The following NDUFA12 variants were observed in gnomAD, a reference collection of about 807,000 sequenced individuals.
NDUFA12 encodes the protein NADH:ubiquinone oxidoreductase subunit A12.
NDUFA12 carries 17 observed loss-of-function variants against 20.3 expected under a neutral mutation model. The ratio of observed to expected loss-of-function variants is 0.84; its 90% CI spans 0.57 to 1.26. NDUFA12 has a LOEUF of 1.26. Ranked by LOEUF, NDUFA12 falls within the 50% of genes most tolerant of loss-of-function variation. The probability of loss-of-function intolerance (pLI) is 0.00; values close to 1 mark genes in which losing one functional copy is unlikely to be tolerated. For synonymous variants in NDUFA12, 72 were observed against 63.6 expected, an observed-to-expected ratio of 1.13 and a Z score of -0.63; for missense variants, 191 against 183.7, an observed-to-expected ratio of 1.04 and a Z score of -0.23.
chr12:94,988,661 G>GA (rs1248782320), intron 3 of NDUFA12, among the ~76,000 whole-genome samples: 1 of 152,106 alleles, frequency 6.6e-6, no homozygotes, highest in African/African-American at 2.4e-5. Flanking sequence ...AGAGCTGGCC[G>GA]AAAGACACAT....
At chr12:94,972,534 G>A in intron 3 of NDUFA12, 1 of 436,714 alleles carries the variant, frequency 2.3e-6, no homozygotes, top group Non-Finnish European at 4.6e-6. Flanking sequence ...GCATGTGAGT[G>A]TAAACACTAG....
At position 95,002,748 on chromosome 12, in the gene NDUFA12, G is replaced by C; in HGVS notation, c.160C>G (p.Gln54Glu). 1 of 1,613,228 alleles carries C rather than the reference G, an allele frequency of 6.2e-7. No individual in the cohort carries two copies. Among genetic ancestry groups the C allele is most frequent in the South Asian group, 1.1e-5 (1 of 91,044 alleles). The change falls in exon 2 of 4, where the codon CAA (glutamine) becomes GAA (glutamate). Residue 54 changes from glutamine (Q) to glutamate (E), a missense_variant. Gln to Glu is a conservative substitution (Grantham distance 29, BLOSUM62 2). Coordinates refer to ENST00000327772, the MANE Select transcript of NDUFA12 (RefSeq NM_018838.5). ...YGNKYYEDNK[Q>E]FFGRHRWVVY... ...AAAATACTGCACTCACCAAAAAATT[G>C]CTTGTTGTCTTCATAGTATTTGTTT...
chr12:94,978,087 G>C (rs1874116133), intron 3 of NDUFA12, among the ~76,000 whole-genome samples: 1 of 152,236 alleles, frequency 6.6e-6, no homozygotes, highest in Non-Finnish European at 1.5e-5. Context: ...GCTGTGACTA[G>C]GACAGTGCAT....
rs1874232662 is a variant in NDUFA12, at chr12:94,981,308, C to T, written c.258-9688G>A. ...TACATACATACAAACAGTAGCCGGG[C>T]ATGGTGGCCCGTGCCTGTAGCCCCA... On this transcript the variant is annotated intron_variant, in intron 3 of 3. Coordinates refer to ENST00000327772, the MANE Select transcript of NDUFA12 (RefSeq NM_018838.5). Among the ~76,000 whole-genome samples the T allele has an allele frequency of 3.4e-5, 5 of 145,364 alleles. No homozygotes were observed. In the South Asian group the frequency reaches 1.1e-3, roughly 32 times the overall value.
intron 2 of NDUFA12, among the ~76,000 whole-genome samples, chr12:94,996,684 T>C (rs2136071372): frequency 6.6e-6 from 1 of 152,000 alleles, no homozygotes; most frequent in South Asian, 2.1e-4. Flanking sequence ...CTGGGCATGA[T>C]GGCGCATGCC....
intron 3 of NDUFA12, 118 bp from the exon 4 acceptor site, chr12:94,971,738 C>T (rs1224924703): frequency 4.6e-6 from 5 of 1,079,394 alleles, no homozygotes; most frequent in East Asian, 2.4e-5. Flanking sequence ...TCAACTCCAT[C>T]AGTTACTAGC....
chr12:94,978,073 C>T (rs1565813314), intron 3 of NDUFA12, among the ~76,000 whole-genome samples: 1 of 152,202 alleles, frequency 6.6e-6, no homozygotes, highest in Non-Finnish European at 1.5e-5. Flanking sequence ...TCAGAGTCAA[C>T]AGGGCTGTGA....
At position 94,982,409 on chromosome 12, in the gene NDUFA12, G is replaced by C. The variant is rs143008073; in HGVS notation, c.258-10789C>G. On this transcript the variant is annotated intron_variant, in intron 3 of 3. Coordinates refer to ENST00000327772, the MANE Select transcript of NDUFA12 (RefSeq NM_018838.5). The stretch of plus-strand genomic sequence containing the variant: ...CTGCCTCAGCCTCCCAAGTAGCTGG[G>C]ACTACAGGCGACCGCCACTAGGCCC... 8.4e-3 allele frequency among the ~76,000 whole-genome samples: 1,283 copies of C among 151,956 alleles called. 21 individuals carry two copies. The highest frequency in any genetic ancestry group is 0.029 in the African/African-American group (1,186 of 41,462).
intron 3 of NDUFA12, among the ~76,000 whole-genome samples, chr12:94,993,624 CAAAAAAAAAA>C (rs61481976): frequency 7.0e-4 from 8 of 11,354 alleles, no homozygotes; most frequent in South Asian, 6.4e-3. Flanking sequence ...GACTCTGTCT[CAAAAAAAAAA>C]AAAAAAAAAA....
At chr12:94,977,944 C>T (rs190020032) in intron 3 of NDUFA12, among the ~76,000 whole-genome samples, 1 of 152,212 alleles carries the variant, frequency 6.6e-6, no homozygotes, top group East Asian at 1.9e-4. Context: ...ACCAGATGGG[C>T]ACTTGAATAA....
At chr12:94,989,459 G>A (rs1462009098) in intron 3 of NDUFA12, among the ~76,000 whole-genome samples, 1 of 152,162 alleles carries the variant, frequency 6.6e-6, no homozygotes, top group Non-Finnish European at 1.5e-5. Context: ...TGAATCAAAG[G>A]TAAGAATCCA....
chr12:94,988,472 C>T (rs1198059031), intron 3 of NDUFA12, among the ~76,000 whole-genome samples: 2 of 152,202 alleles, frequency 1.3e-5, no homozygotes, highest in Admixed American at 1.3e-4. Context: ...CACACCCTAT[C>T]TTACCTTCCA....
At chr12:94,971,824 A>G (rs753661821) in intron 3 of NDUFA12, 3 of 751,130 alleles carry the variant, frequency 4.0e-6, no homozygotes, top group Non-Finnish European at 7.3e-6. Context: ...ATAAAAGGAG[A>G]TAATAGACAT....
chr12:94,993,657 A>G (rs1219892935), intron 3 of NDUFA12, among the ~76,000 whole-genome samples: 1 of 97,260 alleles, frequency 1.0e-5, no homozygotes, highest in East Asian at 3.1e-4. Flanking sequence ...AAAAAAAGCC[A>G]GGCACGGTGG....
rs144962841 is a variant in NDUFA12 at position 94,985,220 on chromosome 12, G to A, written c.257+8950C>T. Among the ~76,000 whole-genome samples, 9 of 152,150 alleles carry A rather than the reference G, an allele frequency of 5.9e-5. No homozygotes were observed. The East Asian group carries it at 1.7e-3, about 29-fold the overall frequency. ...CATGGCTGCAGTTCCAGCTACTTAG[G>A]AGGCTGAGGTGGAAGGATTGCTTGA... On this transcript the variant is annotated intron_variant, in intron 3 of 3. Transcript: ENST00000327772.
At chr12:94,993,392 A>G (rs1205385105) in intron 3 of NDUFA12, among the ~76,000 whole-genome samples, 1 of 149,052 alleles carries the variant, frequency 6.7e-6, no homozygotes, top group African/African-American at 2.5e-5. Context: ...TGAGAGGCCG[A>G]GGCGGGTGGA....
At chr12:94,980,853 T>G (rs890388348) in intron 3 of NDUFA12, among the ~76,000 whole-genome samples, 7 of 152,062 alleles carry the variant, frequency 4.6e-5, no homozygotes, top group African/African-American at 1.7e-4. Flanking sequence ...ACTTCAAGGT[T>G]CCAATACTTC....
intron 2 of NDUFA12, 34 bp from the exon 3 acceptor site, chr12:94,994,291 C>T (rs1565818483): frequency 1.4e-6 from 2 of 1,478,564 alleles, no homozygotes; most frequent in Non-Finnish European, 1.9e-6. Context: ...AAAAGAAAAA[C>T]TTTTTTTTTT....
intron 3 of NDUFA12, among the ~76,000 whole-genome samples, chr12:94,975,373 C>A (rs980862717): frequency 6.6e-6 from 1 of 152,084 alleles, no homozygotes; most frequent in Non-Finnish European, 1.5e-5. Flanking sequence ...GAAGTTTAAT[C>A]AAGGCAATGC....
Sources: gnomAD v4.1 joint callset for allele counts (sites outside exome capture counted in the v4.1 genomes callset) on GRCh38, gnomAD v4.1.1 for gene constraint, MANE v1.5 for transcripts, NCBI Gene and HGNC (gene_info 2026-07-23, HGNC 2026-07-21) for gene names.